Variants in LHFPL3 observed in about 807,000 individuals in gnomAD.
The protein encoded by LHFPL3 is LHFPL tetraspan subfamily member 3 protein.
A neutral mutation model predicts 19.3 loss-of-function variants in LHFPL3; 5 were observed. The observed-to-expected ratio is 0.26, with a 90% confidence interval of 0.14 to 0.54. The LOEUF (loss-of-function observed/expected upper bound fraction) is 0.54, where lower values mean the gene tolerates loss of function less well. Among genes scored for constraint, LHFPL3 ranks in the 20% least tolerant of loss-of-function variants. The pLI, the probability that LHFPL3 is intolerant of heterozygous loss-of-function variation, is 0.94. For synonymous variants in LHFPL3, 133 were observed against 126.2 expected (o/e 1.05, Z -0.36); for missense variants, 249 against 307.4 (o/e 0.81, Z 1.42).
intron 2 of LHFPL3, among the ~76,000 whole-genome samples, chr7:104,815,642 G>A (rs1004294685): frequency 3.9e-5 from 6 of 152,032 alleles, no homozygotes; most frequent in Admixed American, 6.5e-5. Flanking sequence ...TTTCTCCTCC[G>A]TTCAGAGGTT....
rs532704120 is a variant in LHFPL3, at chr7:104,399,769, G to C, written c.445+70545G>C. ...TTACAGTTGTAAGCCACTGCGCCCG[G>C]CCATATGTTCTTCTGTCCTTAAGGT... On this transcript the variant is annotated intron_variant, in intron 1 of 2. Transcript: ENST00000424859. The surrounding 1 kb of genome is among the most constrained non-coding windows in gnomAD (Gnocchi z 4.4). Among the ~76,000 whole-genome samples the C allele has an allele frequency of 8.2e-4, 125 of 151,600 alleles. No individual in the cohort carries two copies. Among genetic ancestry groups the C allele is most frequent in the African/African-American group, 2.9e-3 (119 of 41,300 alleles).
chr7:104,601,064 C>T (rs1447954486), intron 1 of LHFPL3, among the ~76,000 whole-genome samples: 1 of 152,170 alleles, frequency 6.6e-6, no homozygotes, highest in Non-Finnish European at 1.5e-5. Context: ...ATGCTCTTTC[C>T]GTTAAGCCAG....
At chr7:104,515,567 T>C (rs142199424) in intron 1 of LHFPL3, among the ~76,000 whole-genome samples, 2 of 152,314 alleles carry the variant, frequency 1.3e-5, no homozygotes, top group African/African-American at 4.8e-5. Context: ...TATTATTTTT[T>C]GCTGTTATTC....
chr7:104,416,476 C>T (rs1008926269), intron 1 of LHFPL3, among the ~76,000 whole-genome samples: 8 of 152,188 alleles, frequency 5.3e-5, no homozygotes, highest in East Asian at 1.9e-4. Flanking sequence ...ACAAACCTTC[C>T]GTGGCCCTAC....
intron 1 of LHFPL3, among the ~76,000 whole-genome samples, chr7:104,638,321 T>A (rs1443184889): frequency 6.6e-6 from 1 of 152,222 alleles, no homozygotes; most frequent in Non-Finnish European, 1.5e-5. Flanking sequence ...TATGGAATCA[T>A]GCCTTGTGCA....
At chr7:104,497,777 C>T (rs1445230436) in intron 1 of LHFPL3, among the ~76,000 whole-genome samples, 3 of 152,172 alleles carry the variant, frequency 2.0e-5, no homozygotes, top group Non-Finnish European at 4.4e-5. Context: ...CCATTAATCC[C>T]ATTTCCAGTG....
intron 2 of LHFPL3, among the ~76,000 whole-genome samples, chr7:104,809,515 C>A (rs759737316): frequency 1.1e-4 from 17 of 152,192 alleles, no homozygotes; most frequent in Non-Finnish European, 2.1e-4. Context: ...AGCCCCTATC[C>A]AAGGACAGTT....
chr7:104,740,652 A>T (rs994064200), intron 2 of LHFPL3, among the ~76,000 whole-genome samples: 3 of 152,214 alleles, frequency 2.0e-5, no homozygotes, highest in African/African-American at 7.2e-5. Context: ...GCAAGAGCTT[A>T]TGCAGGGGAA....
intron 1 of LHFPL3, among the ~76,000 whole-genome samples, chr7:104,721,691 T>C (rs1191148228): frequency 6.6e-6 from 1 of 152,106 alleles, no homozygotes; most frequent in Non-Finnish European, 1.5e-5. Flanking sequence ...ATCAGGTAAC[T>C]CATTCCACTG....
chr7:104,452,007 A>C (rs886320724), intron 1 of LHFPL3, among the ~76,000 whole-genome samples: 1 of 152,134 alleles, frequency 6.6e-6, no homozygotes, highest in African/African-American at 2.4e-5. Flanking sequence ...TGGACTCCCA[A>C]AGTGCTGAAA....
chr7:104,410,017 A>G (rs1216990247), intron 1 of LHFPL3, among the ~76,000 whole-genome samples: 1 of 152,180 alleles, frequency 6.6e-6, no homozygotes, highest in Non-Finnish European at 1.5e-5. Context: ...ATCTGAAATT[A>G]GATCTGGTCT....
At chr7:104,496,177 T>A (rs1702064608) in intron 1 of LHFPL3, among the ~76,000 whole-genome samples, 1 of 152,168 alleles carries the variant, frequency 6.6e-6, no homozygotes, top group African/African-American at 2.4e-5. Flanking sequence ...TGTCCATGCG[T>A]TCTCGTTGTT....
Position 104,726,055 on chromosome 7 carries a change from CA to C in LHFPL3, c.446-10599del, listed in dbSNP as rs56697785. ...TGACAGAGTGAGACTCCATCTCAGG[CA>C]AAAAAAAAAAAAAAAAAAAATTCTC... is the stretch of plus-strand genomic sequence containing the variant. On this transcript the variant is annotated intron_variant, in intron 1 of 2. Transcript: ENST00000424859. Among the ~76,000 whole-genome samples, 344 of 75,084 alleles carry C rather than the reference CA, an allele frequency of 4.6e-3. 3 individuals carry two copies. Among genetic ancestry groups the C allele is most frequent in the East Asian group, 0.038 (79 of 2,066 alleles). 49.3% of individuals were successfully genotyped at this position (75,084 alleles called of 152,430 possible).
intron 2 of LHFPL3, among the ~76,000 whole-genome samples, chr7:104,821,121 T>A (rs958392898): frequency 6.6e-6 from 1 of 152,094 alleles, no homozygotes; most frequent in African/African-American, 2.4e-5. Context: ...TTTCTGCTTT[T>A]AAAAAAAATG....
At position 104,830,306 on chromosome 7, in the gene LHFPL3, C is replaced by A. The variant is rs962352863; in HGVS notation, c.683-75881C>A. ...TGCCTATTCACTCTGATGGTAGTTT[C>A]TTTTGCTGTGCAGAAGCTCTTTAGT... On this transcript the variant is annotated intron_variant, in intron 2 of 2. Coordinates refer to ENST00000424859, the MANE Select transcript of LHFPL3 (RefSeq NM_199000.3). Among the ~76,000 whole-genome samples, 44 of 151,778 alleles carry A rather than the reference C, an allele frequency of 2.9e-4. 1 individual carries two copies. The highest frequency in any genetic ancestry group is 4.9e-4 in the Non-Finnish European group (33 of 67,998).
At chr7:104,764,752 A>T (rs981190623) in intron 2 of LHFPL3, among the ~76,000 whole-genome samples, 2 of 152,212 alleles carry the variant, frequency 1.3e-5, no homozygotes, top group African/African-American at 4.8e-5. Context: ...CTAGGCCATG[A>T]CTGTGTTGTT....
rs191312701 is a variant in LHFPL3, at chr7:104,636,186, A to G, written c.446-100489A>G. 5.9e-3 allele frequency among the ~76,000 whole-genome samples: 899 copies of G among 152,250 alleles called. 7 individuals carry two copies. Among genetic ancestry groups the G allele is most frequent in the Middle Eastern group, 0.02 (6 of 294 alleles). Reference sequence around the variant, plus strand: ...GGGAGGAGAGGAAGAATATTCACCTACCATAAAGGAAATTAAGAGCTTTTT... The same window carrying G: ...GGGAGGAGAGGAAGAATATTCACCTGCCATAAAGGAAATTAAGAGCTTTTT... On this transcript the variant is annotated intron_variant, in intron 1 of 2. Coordinates refer to ENST00000424859, the MANE Select transcript of LHFPL3 (RefSeq NM_199000.3).
At chr7:104,831,528 G>T (rs1204400550) in intron 2 of LHFPL3, among the ~76,000 whole-genome samples, 1 of 151,784 alleles carries the variant, frequency 6.6e-6, no homozygotes, top group African/African-American at 2.4e-5. Context: ...TTTCCATGGT[G>T]GGCCTGCAGC....
At chr7:104,401,565 A>G (rs1164892915) in intron 1 of LHFPL3, among the ~76,000 whole-genome samples, 3 of 152,230 alleles carry the variant, frequency 2.0e-5, no homozygotes, top group Non-Finnish European at 4.4e-5. Context: ...AGACTAAAGC[A>G]GAAATCCTAA....
Sources: allele counts gnomAD v4.1 joint callset (sites outside exome capture counted in the v4.1 genomes callset), GRCh38; gene constraint gnomAD v4.1.1; non-coding constraint Gnocchi (gnomAD v3.1); transcripts MANE v1.5; gene names NCBI Gene and HGNC (gene_info 2026-07-23, HGNC 2026-07-21).